The following MSI2 variants were observed in gnomAD, a reference collection of about 807,000 sequenced individuals.
The protein encoded by MSI2 is musashi RNA binding protein 2.
In MSI2, 17 loss-of-function variants were observed where a neutral mutation model predicts 45.6. The observed-to-expected ratio is 0.37, with a 90% CI of 0.26 to 0.56. The LOEUF is 0.56. Among genes scored for constraint, MSI2 ranks in the 20% least tolerant of loss-of-function variants. The pLI, the probability that MSI2 is intolerant of heterozygous loss-of-function variation, is 0.77. For missense variants in MSI2, 293 were observed against 444.2 expected, an observed-to-expected ratio of 0.66 and a Z score of 3.06; for synonymous variants, 156 against 158.2, an observed-to-expected ratio of 0.99 and a Z score of 0.11.
chr17:57,615,719 T>C (rs377175183), intron 8 of MSI2, among the ~76,000 whole-genome samples: 24 of 152,364 alleles, frequency 1.6e-4, no homozygotes, highest in African/African-American at 5.8e-4. Flanking sequence ...TGTGTGTATA[T>C]CTGCAGCTTA....
chr17:57,638,941 G>A (rs545043092), intron 10 of MSI2, among the ~76,000 whole-genome samples: 2 of 152,136 alleles, frequency 1.3e-5, no homozygotes, highest in Non-Finnish European at 2.9e-5. Context: ...CACAGTTCTG[G>A]AGGCTGGGAA....
At chr17:57,341,302 A>G (rs1200039490) in intron 5 of MSI2, among the ~76,000 whole-genome samples, 1 of 152,200 alleles carries the variant, frequency 6.6e-6, no homozygotes, top group Non-Finnish European at 1.5e-5. Context: ...GAGGTCTGAG[A>G]AGAACTGGGA....
intron 6 of MSI2, among the ~76,000 whole-genome samples, chr17:57,483,594 G>A (rs1362267029): frequency 6.6e-6 from 1 of 152,184 alleles, no homozygotes; most frequent in Non-Finnish European, 1.5e-5. Context: ...TAGGGCTGAT[G>A]AGGGAAAGAC....
chr17:57,657,033 T>A (rs1911644511), intron 11 of MSI2, among the ~76,000 whole-genome samples: 2 of 152,138 alleles, frequency 1.3e-5, no homozygotes, highest in African/African-American at 4.8e-5. Flanking sequence ...AGAACATTGA[T>A]GGAACACAGG....
chr17:57,688,629 ATGTG>A (rs1257505168), downstream of MSI2, among the ~76,000 whole-genome samples: 2 of 152,186 alleles, frequency 1.3e-5, no homozygotes, highest in African/African-American at 4.8e-5. Flanking sequence ...ATATATATGT[ATGTG>A]TGTGTATAAA....
At chr17:57,490,639 C>T (rs575673949) in intron 6 of MSI2, among the ~76,000 whole-genome samples, 4 of 152,208 alleles carry the variant, frequency 2.6e-5, no homozygotes, top group Admixed American at 6.5e-5. Flanking sequence ...TTATCCTTGC[C>T]AAAGGAGAAA....
intron 5 of MSI2, among the ~76,000 whole-genome samples, chr17:57,369,885 G>A (rs1314509429): frequency 1.3e-5 from 2 of 152,156 alleles, no homozygotes; most frequent in Non-Finnish European, 2.9e-5. Flanking sequence ...GGAAAGGAAG[G>A]GGCCATAGTC....
At chr17:57,370,851 G>A (rs703861) in intron 5 of MSI2, among the ~76,000 whole-genome samples, 2,034 of 152,290 alleles carry the variant, frequency 0.013, 46 homozygotes, top group African/African-American at 0.046. Flanking sequence ...GGCCTTATTA[G>A]AGTGAAGAAA....
At chr17:57,504,863 G>A (rs1005357655) in intron 6 of MSI2, among the ~76,000 whole-genome samples, 3 of 149,930 alleles carry the variant, frequency 2.0e-5, no homozygotes, top group Non-Finnish European at 4.5e-5. Flanking sequence ...TCTGGGAGGC[G>A]GAGGTTGTGG....
chr17:57,316,746 T>C (rs1259867654), intron 5 of MSI2, among the ~76,000 whole-genome samples: 2 of 152,204 alleles, frequency 1.3e-5, no homozygotes, highest in African/African-American at 4.8e-5. Flanking sequence ...TCTAATCGCA[T>C]GGATATATTT....
intron 6 of MSI2, among the ~76,000 whole-genome samples, chr17:57,470,621 G>A (rs1219359903): frequency 3.3e-5 from 5 of 152,148 alleles, no homozygotes; most frequent in Non-Finnish European, 5.9e-5. Context: ...CAAAAGCTTC[G>A]CCCAGACCTA....
At chr17:57,309,924 T>C (rs1260234872) in intron 5 of MSI2, among the ~76,000 whole-genome samples, 1 of 152,218 alleles carries the variant, frequency 6.6e-6, no homozygotes, top group African/African-American at 2.4e-5. Flanking sequence ...AGTGTTGGTC[T>C]CTGTCCGCTG....
intron 6 of MSI2, among the ~76,000 whole-genome samples, chr17:57,481,846 C>A (rs2085654510): frequency 6.6e-6 from 1 of 152,262 alleles, no homozygotes; most frequent in South Asian, 2.1e-4. Flanking sequence ...TGTTATTCAG[C>A]TTGATTGCAG....
At chr17:57,475,825 A>G (rs2085526756) in intron 6 of MSI2, among the ~76,000 whole-genome samples, 1 of 149,416 alleles carries the variant, frequency 6.7e-6, no homozygotes. Context: ...ACACACACGA[A>G]AAGAACATCA....
intron 6 of MSI2, among the ~76,000 whole-genome samples, chr17:57,408,544 C>G (rs950236441): frequency 7.0e-6 from 1 of 142,120 alleles, no homozygotes; most frequent in East Asian, 2.5e-4. Context: ...GGAGAGCCAG[C>G]GGTAGGGGAG....
chr17:57,474,387 G>C (rs1392739659), intron 6 of MSI2, among the ~76,000 whole-genome samples: 4 of 152,156 alleles, frequency 2.6e-5, no homozygotes, highest in African/African-American at 7.2e-5. Context: ...TGCAGACCAG[G>C]CTCCAAGCCA....
chr17:57,575,528 C>T (rs919840213), intron 7 of MSI2, among the ~76,000 whole-genome samples: 1 of 152,162 alleles, frequency 6.6e-6, no homozygotes, highest in African/African-American at 2.4e-5. Flanking sequence ...TTTGTTTGGC[C>T]AGGCCTGAGG....
intron 5 of MSI2, among the ~76,000 whole-genome samples, chr17:57,344,045 G>A (rs1474463941): frequency 2.6e-5 from 4 of 152,190 alleles, no homozygotes; most frequent in South Asian, 2.1e-4. Context: ...GTCTTGCAAC[G>A]AAGAAGCAGT....
chr17:57,339,015 G>A (rs971082983), intron 5 of MSI2, among the ~76,000 whole-genome samples: 3 of 152,238 alleles, frequency 2.0e-5, no homozygotes, highest in Non-Finnish European at 4.4e-5. Context: ...AGTGGTGGGG[G>A]AGAGGGGATC....
Sources: gnomAD v4.1 joint callset for allele counts (sites outside exome capture counted in the v4.1 genomes callset) on GRCh38, gnomAD v4.1.1 for gene constraint, MANE v1.5 for transcripts, NCBI Gene and HGNC (gene_info 2026-07-23, HGNC 2026-07-21) for gene names.